Variants in ADAMTS17 observed in about 807,000 individuals in gnomAD.
ADAMTS17 encodes the protein A disintegrin and metalloproteinase with thrombospondin motifs 17.
In ADAMTS17, 113 loss-of-function variants were observed where a neutral mutation model predicts 141.5. The observed-to-expected ratio is 0.80, with a 90% CI of 0.69 to 0.93. The LOEUF (loss-of-function observed/expected upper bound fraction) is 0.93. Among genes scored for constraint, ADAMTS17 ranks in the 40% least tolerant of loss-of-function variants. ADAMTS17 has a pLI of 0.00. For missense variants in ADAMTS17, 1,659 were observed against 1,517.9 expected (o/e 1.09, Z -1.54); for synonymous variants, 768 against 630.6 (o/e 1.22, Z -3.27).
intron 7 of ADAMTS17, among the ~76,000 whole-genome samples, chr15:100,239,776 C>A (rs1346084995): frequency 6.6e-6 from 1 of 152,130 alleles, no homozygotes; most frequent in Non-Finnish European, 1.5e-5. Context: ...ACACATGCCA[C>A]TCCTATGCAG....
At chr15:100,132,916 T>C (rs976215716) in intron 11 of ADAMTS17, among the ~76,000 whole-genome samples, 1 of 152,230 alleles carries the variant, frequency 6.6e-6, no homozygotes, top group Non-Finnish European at 1.5e-5. Context: ...GGTGATGTTG[T>C]TTTTCCATTT....
chr15:100,155,272 G>A lies in ADAMTS17; in HGVS notation c.1230C>T (p.Ser410=), dbSNP rs1596126337. 2 of 1,614,178 alleles carry A rather than the reference G, an allele frequency of 1.2e-6. No homozygotes were observed. Among genetic ancestry groups the A allele is most frequent in the South Asian group, 1.1e-5 (1 of 91,078 alleles). The stretch of plus-strand genomic sequence containing the variant: ...TCACCCACTCTCCTGACATGATGTG[G>A]GACCTGCCAGCGCAAGATGAGTGGT... ...DDDHSSCAGR[S]HIMSGEWVKG... Residue 410 remains serine, a synonymous_variant, in exon 9 of 22, where the codon TCC becomes TCT. Coordinates refer to ENST00000268070, the MANE Select transcript of ADAMTS17 (RefSeq NM_139057.4).
chr15:100,199,671 A>G (rs973531878), intron 7 of ADAMTS17, among the ~76,000 whole-genome samples: 3 of 152,172 alleles, frequency 2.0e-5, no homozygotes, highest in African/African-American at 7.2e-5. Flanking sequence ...TAGAGTACCC[A>G]TAGCACCTAA....
chr15:100,037,593 G>C, intron 18 of ADAMTS17, among the ~76,000 whole-genome samples: 1 of 152,092 alleles, frequency 6.6e-6, no homozygotes, highest in East Asian at 1.9e-4. Flanking sequence ...TATTTTAGTA[G>C]AGATGGGGTT....
intron 18 of ADAMTS17, among the ~76,000 whole-genome samples, chr15:100,045,221 C>G (rs2031592920): frequency 6.6e-6 from 1 of 152,002 alleles, no homozygotes; most frequent in Admixed American, 6.6e-5. Flanking sequence ...CGATTATAAT[C>G]AAAGTAATCA....
chr15:100,232,675 G>A (rs1392045954), intron 7 of ADAMTS17, among the ~76,000 whole-genome samples: 2 of 152,214 alleles, frequency 1.3e-5, no homozygotes, highest in South Asian at 2.1e-4. Flanking sequence ...CTGTGTCAGT[G>A]GACAAGTTAT....
rs759016515 is a variant in ADAMTS17 at position 100,133,232 on chromosome 15, G to A, written c.1557C>T (p.Thr519=). The change falls in exon 11 of 22, where the codon ACC becomes ACT. Residue 519 remains threonine, a synonymous_variant. Coordinates refer to ENST00000268070, the MANE Select transcript of ADAMTS17 (RefSeq NM_139057.4). The part of the protein sequence containing the change: ...KTKLDPPLDG[T]ECGADKWCRA... ...AGGTTACCTTGTCTGCCCCACACTC[G>A]GTGCCATCCAGGGGAGGGTCCAGCT... 6.9e-6 allele frequency: 11 copies of A among 1,595,316 alleles called. No individual in the cohort carries two copies. Among genetic ancestry groups the A allele is most frequent in the Admixed American group, 1.7e-5 (1 of 58,494 alleles).
chr15:99,979,787 C>G (rs1852384395), intron 20 of ADAMTS17: 1 of 152,152 alleles, frequency 6.6e-6, no homozygotes, highest in South Asian at 2.1e-4. Flanking sequence ...TATAACATAC[C>G]AAGGAAAATA....
In ADAMTS17 at chr15:99,997,410, A is replaced by G. The variant is rs780661268; in HGVS notation, c.2771T>C (p.Ile924Thr). Residue 924 changes from isoleucine to threonine, a missense_variant, in exon 19 of 22, where the codon ATC (isoleucine) becomes ACC (threonine). Ile to Thr is a moderately conservative substitution (Grantham distance 89, BLOSUM62 -1). Transcript: ENST00000268070. The surrounding 1 kb of genome is among the most constrained non-coding windows in gnomAD (Gnocchi z 4.7). ...CTGTGACCACTCAGACGCCTCCCAG[A>G]TGGACAGGCAGTCCTGGCCTTCACA... ...QSCEGQDCLS[I>T]WEASEWSQCS... is the part of the protein sequence containing the mutation. The G allele has an allele frequency of 6.2e-7, 1 of 1,613,736 alleles. No individual in the cohort carries two copies. Among genetic ancestry groups the G allele is most frequent in the Non-Finnish European group, 8.5e-7 (1 of 1,179,974 alleles).
At chr15:100,103,944 G>A (rs536138256) in intron 14 of ADAMTS17, among the ~76,000 whole-genome samples, 5 of 152,246 alleles carry the variant, frequency 3.3e-5, no homozygotes, top group East Asian at 3.9e-4. Context: ...TTAATGAGAC[G>A]TACTTCCTTC....
intron 9 of ADAMTS17, among the ~76,000 whole-genome samples, 193 bp from the exon 10 acceptor site, chr15:100,152,955 AATG>A (rs2039251896): frequency 1.3e-5 from 2 of 151,360 alleles, no homozygotes; most frequent in Non-Finnish European, 2.9e-5. Context: ...TACATGGCCA[AATG>A]TGAATCTTCG....
At chr15:100,213,537 C>G (rs2041874405) in intron 7 of ADAMTS17, among the ~76,000 whole-genome samples, 1 of 152,188 alleles carries the variant, frequency 6.6e-6, no homozygotes, top group South Asian at 2.1e-4. Flanking sequence ...AGCATGGGAA[C>G]AGAAAAGAGC....
intron 8 of ADAMTS17, among the ~76,000 whole-genome samples, chr15:100,173,572 G>A (rs768146019): frequency 9.2e-5 from 14 of 152,180 alleles, no homozygotes; most frequent in Non-Finnish European, 1.5e-4. Context: ...CTTAAGGCAG[G>A]AAGCCTGTCC....
chr15:100,022,167 G>A (rs969234188), intron 18 of ADAMTS17, among the ~76,000 whole-genome samples: 12 of 152,268 alleles, frequency 7.9e-5, no homozygotes, highest in East Asian at 5.8e-4. Flanking sequence ...ATGTGCCAAC[G>A]ATTGATCCTA....
At chr15:100,222,295 G>A (rs1195787042) in intron 7 of ADAMTS17, among the ~76,000 whole-genome samples, 1 of 152,150 alleles carries the variant, frequency 6.6e-6, no homozygotes, top group Non-Finnish European at 1.5e-5. Context: ...CCTGGCATCC[G>A]GCTGTGGATG....
At chr15:100,330,621 C>T (rs549956504) in intron 3 of ADAMTS17, among the ~76,000 whole-genome samples, 7 of 152,116 alleles carry the variant, frequency 4.6e-5, no homozygotes, top group Non-Finnish European at 8.8e-5. Flanking sequence ...TTTTTTGGAC[C>T]TCAACTTGCT....
At chr15:100,097,919 T>C (rs2035862086) in intron 14 of ADAMTS17, among the ~76,000 whole-genome samples, 1 of 152,250 alleles carries the variant, frequency 6.6e-6, no homozygotes, top group South Asian at 2.1e-4. Context: ...ACTATTGTTC[T>C]GTCCAAAAAT....
At chr15:100,110,299 CTG>C (rs1596460885) in intron 13 of ADAMTS17, among the ~76,000 whole-genome samples, 1 of 142,054 alleles carries the variant, frequency 7.0e-6, no homozygotes. Flanking sequence ...GAGTCTCACT[CTG>C]TTGCCCAGGC....
At chr15:100,208,080 G>C (rs1820076534) in intron 7 of ADAMTS17, among the ~76,000 whole-genome samples, 1 of 152,198 alleles carries the variant, frequency 6.6e-6, no homozygotes, top group Non-Finnish European at 1.5e-5. Context: ...GGATGGGCCA[G>C]AGAGCTCTGG....
Sources: allele counts gnomAD v4.1 joint callset (sites outside exome capture counted in the v4.1 genomes callset), GRCh38; gene constraint gnomAD v4.1.1; non-coding constraint Gnocchi (gnomAD v3.1); transcripts MANE v1.5; gene names NCBI Gene and HGNC (gene_info 2026-07-23, HGNC 2026-07-21).